Variants in ITPR1 observed in about 807,000 individuals in gnomAD.
ITPR1 encodes the protein inositol 1,4,5-trisphosphate-gated calcium channel ITPR1.
In ITPR1, 96 loss-of-function variants were observed where a neutral mutation model predicts 318.4. The observed-to-expected ratio is 0.30, with a 90% CI of 0.26 to 0.36. The LOEUF (loss-of-function observed/expected upper bound fraction) is 0.36, where lower values mean the gene tolerates loss of function less well. ITPR1 is among the 10% of genes least tolerant of loss of function. ITPR1 has a pLI of 1.00. For missense variants in ITPR1, 2,440 were observed against 3,460.2 expected (o/e 0.71, Z 7.40); for synonymous variants, 1,312 against 1,289.9 (o/e 1.02, Z -0.37).
chr3:4,735,439 C>T (rs1443178870), intron 44 of ITPR1, 85 bp downstream of exon 44: 1 of 1,179,008 alleles, frequency 8.5e-7, no homozygotes, highest in South Asian at 1.3e-5. Context: ...CTGGGTGGTA[C>T]CAAGCCTTGT....
chr3:4,690,847 T>A (rs565010214), intron 31 of ITPR1, among the ~76,000 whole-genome samples: 4 of 152,334 alleles, frequency 2.6e-5, no homozygotes, highest in African/African-American at 7.2e-5. Flanking sequence ...AATTGTGAGA[T>A]AAGGCATAAA....
intron 60 of ITPR1, among the ~76,000 whole-genome samples, chr3:4,819,434 T>TGA (rs2049532511): frequency 6.6e-6 from 1 of 152,174 alleles, no homozygotes; most frequent in African/African-American, 2.4e-5. Flanking sequence ...TTCCAGGACT[T>TGA]GAGATATTCT....
At chr3:4,650,270 A>G (rs577928068) in intron 10 of ITPR1, among the ~76,000 whole-genome samples, 1 of 152,190 alleles carries the variant, frequency 6.6e-6, no homozygotes, top group South Asian at 2.1e-4. Context: ...TAGGAATTCT[A>G]TTTTTGACCT....
chr3:4,733,476 G>A (rs938157897), intron 43 of ITPR1, among the ~76,000 whole-genome samples: 3 of 152,074 alleles, frequency 2.0e-5, no homozygotes, highest in South Asian at 2.1e-4. Context: ...CCATCTTGGT[G>A]ATGGTTGAAT....
chr3:4,663,854 C>T (rs1389873792), intron 16 of ITPR1, among the ~76,000 whole-genome samples: 6 of 152,166 alleles, frequency 3.9e-5, no homozygotes, highest in African/African-American at 1.2e-4. Flanking sequence ...GTTCTTACTG[C>T]ATGCATTGTT....
intron 47 of ITPR1, 91 bp downstream of exon 47, chr3:4,775,533 C>A: frequency 1.0e-6 from 1 of 973,770 alleles, no homozygotes; most frequent in Non-Finnish European, 1.6e-6. Flanking sequence ...GAAGCCTGTG[C>A]CTGTTGGCCT....
At chr3:4,748,584 T>A (rs2044275099) in intron 44 of ITPR1, among the ~76,000 whole-genome samples, 1 of 152,142 alleles carries the variant, frequency 6.6e-6, no homozygotes, top group African/African-American at 2.4e-5. Context: ...TTTCTGTAGG[T>A]TTTCTGGAAT....
At chr3:4,843,390 G>A (rs1196628232) in intron 61 of ITPR1, among the ~76,000 whole-genome samples, 5 of 152,220 alleles carry the variant, frequency 3.3e-5, no homozygotes, top group Admixed American at 6.5e-5. Context: ...AAATGATCTT[G>A]TCCGATTTTG....
At chr3:4,699,722 G>T in intron 34 of ITPR1, 91 bp from the exon 35 acceptor site, 1 of 1,307,360 alleles carries the variant, frequency 7.6e-7, no homozygotes, top group Non-Finnish European at 1.1e-6. Context: ...CCTTTCATTT[G>T]TTAAAAGTAA....
At chr3:4,675,418 C>T (rs896196389) in intron 23 of ITPR1, among the ~76,000 whole-genome samples, 170 bp downstream of exon 23, 2 of 152,214 alleles carry the variant, frequency 1.3e-5, no homozygotes, top group Admixed American at 6.5e-5. Context: ...AAGAACAGTA[C>T]GATGGAGTCC....
chr3:4,504,325 C>T (rs2081250744), intron 2 of ITPR1, among the ~76,000 whole-genome samples: 1 of 152,054 alleles, frequency 6.6e-6, no homozygotes, highest in Admixed American at 6.6e-5. Context: ...GGAGAATGAG[C>T]AACGTTGTAT....
chr3:4,611,741 C>G (rs1041957970), intron 4 of ITPR1, among the ~76,000 whole-genome samples: 1 of 151,926 alleles, frequency 6.6e-6, no homozygotes, highest in Non-Finnish European at 1.5e-5. Flanking sequence ...GAGACCTTCT[C>G]TCAAAAAATA....
intron 54 of ITPR1, among the ~76,000 whole-genome samples, chr3:4,805,304 C>T (rs955338123): frequency 1.3e-5 from 2 of 152,166 alleles, no homozygotes; most frequent in Non-Finnish European, 2.9e-5. Context: ...CCAGAGTTCA[C>T]AGCTGCTCAG....
chr3:4,672,432 G>C (rs1290548248), intron 20 of ITPR1, among the ~76,000 whole-genome samples: 3 of 152,220 alleles, frequency 2.0e-5, no homozygotes, highest in Non-Finnish European at 2.9e-5. Flanking sequence ...GAAATACATA[G>C]AGTTTTTAAT....
intron 4 of ITPR1, among the ~76,000 whole-genome samples, chr3:4,585,923 C>T (rs1457911509): frequency 6.6e-6 from 1 of 151,414 alleles, no homozygotes; most frequent in Non-Finnish European, 1.5e-5. Flanking sequence ...TCCCCTAGCC[C>T]CCCAGCCCCC....
Position 4,788,188 on chromosome 3 carries a change from T to C in ITPR1, c.6808+49T>C, listed in dbSNP as rs778421337. 16 of 1,462,946 alleles carry C rather than the reference T, an allele frequency of 1.1e-5. No homozygotes were observed. The South Asian group carries it at 1.9e-4, about 17-fold the overall frequency. The allele number at this position is 1,462,946 out of a possible 1,614,324, so 90.6% of individuals were successfully genotyped here. A position where few individuals can be genotyped will look rare whatever the true frequency, so the allele number is the denominator to read the frequency against. On this transcript the variant is annotated intron_variant, in intron 52 of 61. Transcript: ENST00000649015. ...AACACAGAGAGACACAGTTCTGGGATTTCACAAACTTGGGCTTGATGGTGC... is the reference window on the plus strand; with the variant it reads ...AACACAGAGAGACACAGTTCTGGGACTTCACAAACTTGGGCTTGATGGTGC...
intron 4 of ITPR1, among the ~76,000 whole-genome samples, chr3:4,599,090 A>G (rs1272950181): frequency 6.6e-6 from 1 of 151,574 alleles, no homozygotes; most frequent in Non-Finnish European, 1.5e-5. Flanking sequence ...GGAGACTAAT[A>G]TTGAGAATAC....
intron 2 of ITPR1, among the ~76,000 whole-genome samples, chr3:4,498,603 G>A (rs1226573081): frequency 1.3e-5 from 2 of 152,152 alleles, no homozygotes; most frequent in Non-Finnish European, 2.9e-5. Context: ...AGAGACTCTG[G>A]TAAGGTTGGC....
rs192833642 is a variant in ITPR1, at chr3:4,640,981, G to T, written c.367-1112G>T. Reference sequence around the variant, plus strand: ...ATTTATTTTAGCTAGGGGTCATCGGGGCTTATGGATCAGACAGGTTATTCT... The same window carrying T: ...ATTTATTTTAGCTAGGGGTCATCGGTGCTTATGGATCAGACAGGTTATTCT... On this transcript the variant is annotated intron_variant, in intron 6 of 61. Coordinates refer to ENST00000649015, the MANE Select transcript of ITPR1 (RefSeq NM_001378452.1). Among the ~76,000 whole-genome samples, 10 of 152,238 alleles carry T rather than the reference G, an allele frequency of 6.6e-5. No homozygotes were observed. In the East Asian group the frequency reaches 1.9e-3, roughly 29 times the overall value.
Sources: gnomAD v4.1 joint callset for allele counts (sites outside exome capture counted in the v4.1 genomes callset) on GRCh38, gnomAD v4.1.1 for gene constraint, MANE v1.5 for transcripts, NCBI Gene and HGNC (gene_info 2026-07-23, HGNC 2026-07-21) for gene names.